The following NFASC variants were observed in gnomAD, a reference collection of about 807,000 sequenced individuals.
NFASC encodes neurofascin homolog.
In NFASC, 43 loss-of-function variants were observed where a neutral mutation model predicts 147.5. That is an observed-to-expected ratio of 0.29 (90% CI 0.23 to 0.38). The LOEUF is 0.38. Ranked by LOEUF, NFASC falls within the 10% of genes least tolerant of loss-of-function variation. NFASC has a pLI of 1.00. For missense variants in NFASC, 1,320 were observed against 1,689.0 expected (o/e 0.78, Z 3.83); for synonymous variants, 622 against 665.5 (o/e 0.93, Z 1.01).
chr1:204,988,013 G>C (rs1380523387), intron 22 of NFASC, among the ~76,000 whole-genome samples: 1 of 152,218 alleles, frequency 6.6e-6, no homozygotes, highest in Non-Finnish European at 1.5e-5. Context: ...TCAGGAGCCT[G>C]GGTTGGAAAG....
At chr1:204,833,080 T>A (rs1672695025) in intron 1 of NFASC, among the ~76,000 whole-genome samples, 2 of 152,254 alleles carry the variant, frequency 1.3e-5, no homozygotes, top group African/African-American at 2.4e-5. Flanking sequence ...ACAGCTTTGC[T>A]GACCCAGGAC....
chr1:204,881,138 C>G (rs2080123403), intron 1 of NFASC, among the ~76,000 whole-genome samples: 1 of 152,190 alleles, frequency 6.6e-6, no homozygotes, highest in African/African-American at 2.4e-5. Context: ...CGCTGTGTTC[C>G]CCACAATGGT....
intron 1 of NFASC, among the ~76,000 whole-genome samples, chr1:204,831,153 A>G (rs1190960845): frequency 6.6e-6 from 1 of 152,178 alleles, no homozygotes; most frequent in Non-Finnish European, 1.5e-5. Flanking sequence ...ACTGGAGCTC[A>G]GGTGAAGTGG....
rs1159145513 is a variant in NFASC, at chr1:205,016,663, T to C, written c.*124T>C. On this transcript the variant is annotated 3_prime_UTR_variant, in exon 30 of 30. Transcript: ENST00000339876. The surrounding 1 kb of genome is among the most constrained non-coding windows in gnomAD (Gnocchi z 5.1). ...CAGTAACAAGGGTACGATATGGGGG[T>C]CTGCCAAGCTGTGAGGACCAGTAGC... The C allele has an allele frequency of 1.3e-5, 10 of 750,354 alleles. No homozygotes were observed. Among genetic ancestry groups the C allele is most frequent in the Non-Finnish European group, 2.3e-5 (10 of 427,412 alleles). 46.5% of individuals were successfully genotyped at this position (750,354 alleles called of 1,614,324 possible). A position where few individuals can be genotyped will look rare whatever the true frequency, so the allele number is the denominator to read the frequency against.
chr1:204,831,727 G>A (rs1435712113), intron 1 of NFASC, among the ~76,000 whole-genome samples: 2 of 151,950 alleles, frequency 1.3e-5, no homozygotes, highest in East Asian at 3.9e-4. Context: ...GGTGGGGAGG[G>A]GAGAAGTGAG....
At chr1:204,838,242 A>G (rs1674327658) in intron 1 of NFASC, among the ~76,000 whole-genome samples, 1 of 152,230 alleles carries the variant, frequency 6.6e-6, no homozygotes, top group African/African-American at 2.4e-5. Context: ...TGAATTTTGA[A>G]TTACATTAAA....
chr1:204,950,719 G>C (rs890732695), intron 4 of NFASC, 145 bp downstream of exon 4: 3 of 765,828 alleles, frequency 3.9e-6, no homozygotes, highest in Non-Finnish European at 6.8e-6. Context: ...ATCTTACTGC[G>C]GGGGAAGGAA....
At chr1:204,850,745 C>T (rs2075609099) in intron 1 of NFASC, among the ~76,000 whole-genome samples, 1 of 152,200 alleles carries the variant, frequency 6.6e-6, no homozygotes, top group Non-Finnish European at 1.5e-5. Flanking sequence ...TTCTGTACAG[C>T]CTGTGGAACT....
rs1053376325 is a variant in NFASC, at chr1:204,988,000, G to A, written c.2593+460G>A. 3.3e-5 allele frequency among the ~76,000 whole-genome samples: 5 copies of A among 152,190 alleles called. No homozygotes were observed. Among genetic ancestry groups the A allele is most frequent in the South Asian group, 2.1e-4 (1 of 4,830 alleles). ...CTGCCCGGTGACTGTGGGGTGACCC[G>A]AATCAGGAGCCTGGGTTGGAAAGAC... is the stretch of plus-strand genomic sequence containing the variant. On this transcript the variant is annotated intron_variant, in intron 22 of 29. Coordinates refer to ENST00000339876, the MANE Select transcript of NFASC (RefSeq NM_001005388.3). This position sits in a 1 kb window ranked among gnomAD's most constrained non-coding sequence, Gnocchi z 4.4.
chr1:204,988,559 C>G, intron 22 of NFASC, 74 bp from the exon 23 acceptor site: 1 of 1,360,470 alleles, frequency 7.4e-7, no homozygotes, highest in Non-Finnish European at 1.0e-6. Flanking sequence ...AGTGTTCTTC[C>G]TCCAGCTTGC....
intron 3 of NFASC, among the ~76,000 whole-genome samples, chr1:204,945,471 G>A (rs1004533887): frequency 1.6e-4 from 24 of 152,188 alleles, no homozygotes; most frequent in African/African-American, 4.8e-5. Flanking sequence ...GAGAAGAGTT[G>A]GAGGTATCTC....
At chr1:204,960,321 A>C (rs1179371912) in intron 8 of NFASC, among the ~76,000 whole-genome samples, 2 of 152,228 alleles carry the variant, frequency 1.3e-5, no homozygotes, top group Non-Finnish European at 2.9e-5. Flanking sequence ...TCATTTTTAA[A>C]ACCTGGGATG....
rs199712805 is a variant in NFASC, at chr1:204,846,961, G to GTC, written c.-200+18180_-200+18181insCT. Reference sequence around the variant, plus strand: ...CCTGTGTGTGTGTACGCGTGTGTGTGTGTGTGTGTGTGTGTGTGGTGTGTA... The same window carrying GTC: ...CCTGTGTGTGTGTACGCGTGTGTGTGTCTGTGTGTGTGTGTGTGTGGTGTGTA... On this transcript the variant is annotated intron_variant, in intron 1 of 29. Transcript: ENST00000339876. 4.5e-3 allele frequency among the ~76,000 whole-genome samples: 688 copies of GTC among 151,678 alleles called. 9 individuals carry two copies. The highest frequency in any genetic ancestry group is 0.016 in the African/African-American group (662 of 41,260).
chr1:204,829,008 A>C (rs1005538879), intron 1 of NFASC, among the ~76,000 whole-genome samples: 29 of 4,524 alleles, frequency 6.4e-3, no homozygotes, highest in Admixed American at 8.5e-3. Flanking sequence ...CCCCCTGCCC[A>C]CCCCAACACC....
At chr1:205,007,527 AATAG>A (rs1265705537) in intron 27 of NFASC, among the ~76,000 whole-genome samples, 3 of 151,912 alleles carry the variant, frequency 2.0e-5, no homozygotes, top group Non-Finnish European at 2.9e-5. Context: ...GGAAGGATTA[AATAG>A]ATAATGATAG....
At chr1:204,935,510 G>A (rs2149654612) in intron 2 of NFASC, among the ~76,000 whole-genome samples, 1 of 152,312 alleles carries the variant, frequency 6.6e-6, no homozygotes, top group East Asian at 1.9e-4. Flanking sequence ...TTCCTGGTCA[G>A]TTCTGAGTAG....
intron 1 of NFASC, among the ~76,000 whole-genome samples, chr1:204,901,507 T>C (rs1246351245): frequency 2.0e-5 from 3 of 152,178 alleles, no homozygotes; most frequent in Non-Finnish European, 4.4e-5. Context: ...TTATTTACCA[T>C]TGGACTCAGC....
intron 8 of NFASC, chr1:204,962,197 T>C: frequency 1.3e-6 from 2 of 1,565,952 alleles, no homozygotes; most frequent in Non-Finnish European, 1.8e-6. Context: ...ACCTTGCCTG[T>C]GCTAACCCCA....
Position 204,975,417 on chromosome 1 carries a change from A to G in NFASC, c.1705A>G (p.Arg569Gly). 1 of 1,610,298 alleles carries G rather than the reference A, an allele frequency of 6.2e-7. No individual in the cohort carries two copies. The highest frequency in any genetic ancestry group is 8.5e-7 in the Non-Finnish European group (1 of 1,176,954). Reference sequence around the variant, plus strand: ...TGACGAGCCGCTCTATATTGGAAACAGGTTTCTCTTCCCCCTTCCCCCTTC... The same window carrying G: ...TGACGAGCCGCTCTATATTGGAAACGGGTTTCTCTTCCCCCTTCCCCCTTC... ...KDDEPLYIGN[R>G]MKKEDDSLTI... The change falls in exon 15 of 30, where the codon AGG (arginine) becomes GGG (glycine). Residue 569 changes from arginine to glycine, a missense_variant and splice_region_variant. Transcript: ENST00000339876. The surrounding 1 kb of genome is among the most constrained non-coding windows in gnomAD (Gnocchi z 4.0).
Sources: gnomAD v4.1 joint callset for allele counts (sites outside exome capture counted in the v4.1 genomes callset) on GRCh38, gnomAD v4.1.1 for gene constraint, Gnocchi (gnomAD v3.1) non-coding constraint, MANE v1.5 for transcripts, NCBI Gene and HGNC (gene_info 2026-07-23, HGNC 2026-07-21) for gene names.